CST5: variants seen among roughly 807,000 people sequenced by gnomAD.
The protein encoded by CST5 is cystatin D, also known as cystatin-D.
A neutral mutation model predicts 11.5 loss-of-function variants in CST5; 13 were observed. The observed-to-expected ratio is 1.13, with a 90% CI of 0.73 to 1.79. The LOEUF is 1.79. Ranked by LOEUF, CST5 falls within the 40% of genes most tolerant of loss-of-function variation. The pLI, the probability that CST5 is intolerant of heterozygous loss-of-function variation, is 0.00. For synonymous variants in CST5, 81 were observed against 67.6 expected (o/e 1.20, Z -0.97); for missense variants, 219 against 174.5 (o/e 1.25, Z -1.44).
chr20:23,877,489 C>T lies in CST5; in HGVS notation c.345+16G>A, dbSNP rs781722749. The T allele has an allele frequency of 1.6e-5, 26 of 1,596,540 alleles. No individual in the cohort carries two copies. In the Admixed American group the frequency reaches 4.3e-4, roughly 27 times the overall value. On this transcript the variant is annotated intron_variant, in intron 2 of 2. Coordinates refer to ENST00000304710, the MANE Select transcript of CST5 (RefSeq NM_001900.5). Reference sequence around the variant, plus strand: ...TCTGCGGTACTTGATGCCCCTGACCCACATCAGGCACATACCTCTTTCAGT... The same window carrying T: ...TCTGCGGTACTTGATGCCCCTGACCTACATCAGGCACATACCTCTTTCAGT...
chr20:23,879,105 A>G (rs762898680), intron 1 of CST5, among the ~76,000 whole-genome samples: 38 of 152,140 alleles, frequency 2.5e-4, no homozygotes, highest in Non-Finnish European at 4.7e-4. Context: ...CTCAGGGAGG[A>G]AGATGAACCT....
At chr20:23,878,519 C>A (rs544279659) in intron 1 of CST5, among the ~76,000 whole-genome samples, 58 of 152,180 alleles carry the variant, frequency 3.8e-4, no homozygotes, top group Admixed American at 1.2e-3. Context: ...TGTCAGTCTG[C>A]TGCTCTGTAA....
intron 1 of CST5, among the ~76,000 whole-genome samples, chr20:23,878,550 G>T (rs1380102481): frequency 6.6e-6 from 1 of 152,150 alleles, no homozygotes; most frequent in African/African-American, 2.4e-5. Context: ...AGGGCCCAAC[G>T]ATCTACATCA....
At chr20:23,878,555 ACAT>A (rs1425668156) in intron 1 of CST5, among the ~76,000 whole-genome samples, 1 of 152,090 alleles carries the variant, frequency 6.6e-6, no homozygotes, top group Non-Finnish European at 1.5e-5. Flanking sequence ...CCAACGATCT[ACAT>A]CATTCTGTGC....
chr20:23,876,208 A>G lies in CST5; in HGVS notation c.409T>C (p.Tyr137His), dbSNP rs1327314759. The G allele has an allele frequency of 1.2e-6, 2 of 1,613,664 alleles. No individual in the cohort carries two copies. The highest frequency in any genetic ancestry group is 1.7e-6 in the Non-Finnish European group (2 of 1,179,686). Residue 137 changes from tyrosine to histidine, a missense_variant, in exon 3 of 3, where the codon TAC (tyrosine) becomes CAC (histidine). Transcript: ENST00000304710. ...PWEDKISILN[Y>H]KCRKV Reference sequence around the variant, plus strand: ...GACCCCTAGACTTTCCGGCACTTGTAGTTCAGAATGGAAATTTTATCCTCC... The same window carrying G: ...GACCCCTAGACTTTCCGGCACTTGTGGTTCAGAATGGAAATTTTATCCTCC...
chr20:23,877,185 C>G (rs1263625415), intron 2 of CST5, among the ~76,000 whole-genome samples: 1 of 151,918 alleles, frequency 6.6e-6, no homozygotes, highest in Non-Finnish European at 1.5e-5. Context: ...TGTATGCACA[C>G]ATATGCATCT....
At position 23,879,434 on chromosome 20, in the gene CST5, G is replaced by A. The variant is rs1298175607; in HGVS notation, c.231+12C>T. ...TGGGACTCAGGACCCCCAGGGTGGT[G>A]GTAGCACGCACCTGCTGGTAGGCAG... On this transcript the variant is annotated intron_variant, in intron 1 of 2. Transcript: ENST00000304710. 2 of 1,609,306 alleles carry A rather than the reference G, an allele frequency of 1.2e-6. No individual in the cohort carries two copies. The highest frequency in any genetic ancestry group is 2.2e-5 in the South Asian group (2 of 90,944).
At position 23,876,081 on chromosome 20, in the gene CST5, G is replaced by T; in HGVS notation, c.*107C>A. The T allele has an allele frequency of 1.3e-6, 1 of 777,202 alleles. No homozygotes were observed. Among genetic ancestry groups the T allele is most frequent in the Non-Finnish European group, 2.2e-6 (1 of 464,500 alleles). The allele number at this position is 777,202 out of a possible 1,614,324, so 48.1% of individuals were successfully genotyped here. On this transcript the variant is annotated 3_prime_UTR_variant, in exon 3 of 3. Coordinates refer to ENST00000304710, the MANE Select transcript of CST5 (RefSeq NM_001900.5). The stretch of plus-strand genomic sequence containing the variant: ...CTTCTGTGTCTGTCTCCTGGTGCAG[G>T]CGCATGAGGAGACCTCCCCCAGGGT...
rs776243372 is a variant in CST5 at position 23,877,552 on chromosome 20, G to C, written c.298C>G (p.Pro100Ala). Residue 100 changes from proline to alanine, a missense_variant, in exon 2 of 3, where the codon CCC becomes GCC. By Grantham distance (27) the Pro-to-Ala change is conservative. Coordinates refer to ENST00000304710, the MANE Select transcript of CST5 (RefSeq NM_001900.5). ...FGRTTCTKSQ[P>A]NLDNCPFNDQ... ...TTGAAGGGACAGTTGTCCAAGTTGGGCTGGGACTTGGTGCATGTGGTTCGA... is the reference window on the plus strand; with the variant it reads ...TTGAAGGGACAGTTGTCCAAGTTGGCCTGGGACTTGGTGCATGTGGTTCGA... The C allele has an allele frequency of 6.2e-7, 1 of 1,614,130 alleles. No homozygotes were observed. The highest frequency in any genetic ancestry group is 1.1e-5 in the South Asian group (1 of 91,084).
chr20:23,877,184 A>C (rs1451715733), intron 2 of CST5, among the ~76,000 whole-genome samples: 1 of 151,994 alleles, frequency 6.6e-6, no homozygotes, highest in African/African-American at 2.4e-5. Flanking sequence ...ATGTATGCAC[A>C]CATATGCATC....
At chr20:23,878,908 A>G (rs1986019962) in intron 1 of CST5, among the ~76,000 whole-genome samples, 1 of 152,248 alleles carries the variant, frequency 6.6e-6, no homozygotes, top group African/African-American at 2.4e-5. Flanking sequence ...GTTAGCTGGC[A>G]GAGGCAGGGT....
In CST5 at chr20:23,877,615, C is replaced by T. The variant is rs144164912; in HGVS notation, c.235G>A (p.Val79Met). The T allele has an allele frequency of 3.1e-5, 41 of 1,307,956 alleles. 1 individual carries two copies. In the African/African-American group the frequency reaches 4.0e-4, roughly 13 times the overall value. The allele number at this position is 1,307,956 out of a possible 1,614,324, so 81.0% of individuals were successfully genotyped here. A position where few individuals can be genotyped will look rare whatever the true frequency, so the allele number is the denominator to read the frequency against. The change falls in exon 2 of 3, where the codon GTG becomes ATG. Residue 79 changes from valine to methionine, a missense_variant. Coordinates refer to ENST00000304710, the MANE Select transcript of CST5 (RefSeq NM_001900.5). ...TTGAAGTAGTAGTTCACCCCACCCA[C>T]GATCTACACGCGTGGAAGAGCAGGA... ...LQVMAAYQQI[V>M]GGVNYYFNVK...
At position 23,879,683 on chromosome 20, in the gene CST5, C is replaced by G. The variant is rs1012905834; in HGVS notation, c.-7G>C. 2.5e-6 allele frequency: 4 copies of G among 1,610,376 alleles called. No individual in the cohort carries two copies. In the African/African-American group the frequency reaches 4.0e-5, roughly 16 times the overall value. On this transcript the variant is annotated 5_prime_UTR_variant, in exon 1 of 3. Coordinates refer to ENST00000304710, the MANE Select transcript of CST5 (RefSeq NM_001900.5). Reference sequence around the variant, plus strand: ...TGTGCATGGGCCACATCATGTTCTACTGGGACACAGAGCAAGGAGCTGGAT... The same window carrying G: ...TGTGCATGGGCCACATCATGTTCTAGTGGGACACAGAGCAAGGAGCTGGAT...
At chr20:23,879,313 C>T in intron 1 of CST5, 133 bp downstream of exon 1, 2 of 750,842 alleles carry the variant, frequency 2.7e-6, no homozygotes. Flanking sequence ...GGCATGAAGA[C>T]CATCAGCAGA....
rs539756859 is a variant in CST5 at position 23,879,466 on chromosome 20, C to T, written c.211G>A (p.Val71Met). Residue 71 changes from valine to methionine, a missense_variant, in exon 1 of 3, where the codon GTG becomes ATG. Physicochemically the swap from Val to Met is conservative, Grantham distance 21 (BLOSUM62 1). Coordinates refer to ENST00000304710, the MANE Select transcript of CST5 (RefSeq NM_001900.5). Reference sequence around the variant, plus strand: ...CGCACCTGCTGGTAGGCAGCCATCACCTGCAGAGGGCGGCTGTAGTACTCA... The same window carrying T: ...CGCACCTGCTGGTAGGCAGCCATCATCTGCAGAGGGCGGCTGTAGTACTCA... ...KDEYYSRPLQ[V>M]MAAYQQIVGG... 1.2e-6 allele frequency: 2 copies of T among 1,613,882 alleles called. No homozygotes were observed. The highest frequency in any genetic ancestry group is 2.2e-5 in the South Asian group (2 of 91,082).
chr20:23,877,622 C>A lies in CST5; in HGVS notation c.232-4G>T. 1 of 1,609,736 alleles carries A rather than the reference C, an allele frequency of 6.2e-7. No individual in the cohort carries two copies. Among genetic ancestry groups the A allele is most frequent in the Non-Finnish European group, 8.5e-7 (1 of 1,177,090 alleles). On this transcript the variant is annotated splice_polypyrimidine_tract_variant and splice_region_variant and intron_variant, in intron 1 of 2. Coordinates refer to ENST00000304710, the MANE Select transcript of CST5 (RefSeq NM_001900.5). ...AGTAGTTCACCCCACCCACGATCTA[C>A]ACGCGTGGAAGAGCAGGAAGCAGGG...
intron 1 of CST5, 68 bp downstream of exon 1, chr20:23,879,378 G>T: frequency 8.9e-7 from 1 of 1,122,160 alleles, no homozygotes; most frequent in Non-Finnish European, 1.3e-6. Context: ...TTTGCTGGGA[G>T]TGCTCTGGGG....
chr20:23,877,534 G>C lies in CST5; in HGVS notation c.316C>G (p.Pro106Ala), dbSNP rs908828463. ...TKSQPNLDNC[P>A]FNDQPKLKEE... ...TTCAGTTTTGGCTGGTCATTGAAGGGACAGTTGTCCAAGTTGGGCTGGGAC... is the reference window on the plus strand; with the variant it reads ...TTCAGTTTTGGCTGGTCATTGAAGGCACAGTTGTCCAAGTTGGGCTGGGAC... Residue 106 changes from proline (P) to alanine (A), a missense_variant, in exon 2 of 3, where the codon CCC becomes GCC. By Grantham distance (27) the Pro-to-Ala change is conservative. Transcript: ENST00000304710. The C allele has an allele frequency of 6.2e-7, 1 of 1,614,176 alleles. No homozygotes were observed. Among genetic ancestry groups the C allele is most frequent in the Non-Finnish European group, 8.5e-7 (1 of 1,180,016 alleles).
Position 23,879,641 on chromosome 20 carries a change from C to T in CST5, c.36G>A (p.Leu12=). ...CGGCCACGGCCACCATCAAGGCAGT[C>T]AGCAGCAGCAGTGGGGTGTGCATGG... ...MWPMHTPLLL[L]TALMVAVAGS... Residue 12 remains leucine (L), a synonymous_variant, in exon 1 of 3, where the codon CTG becomes CTA. Transcript: ENST00000304710. 6.2e-7 allele frequency: 1 copy of T among 1,613,986 alleles called. No individual in the cohort carries two copies. The highest frequency in any genetic ancestry group is 8.5e-7 in the Non-Finnish European group (1 of 1,179,924).
Sources: allele counts gnomAD v4.1 joint callset (sites outside exome capture counted in the v4.1 genomes callset), GRCh38; gene constraint gnomAD v4.1.1; transcripts MANE v1.5; gene names NCBI Gene and HGNC (gene_info 2026-07-23, HGNC 2026-07-21).